RABGAP1L: variants seen among roughly 807,000 people sequenced by gnomAD.
RABGAP1L encodes RAB GTPase activating protein 1 like.
Under a neutral mutation model 137.7 loss-of-function variants are expected in RABGAP1L, and 63 were observed. The observed-to-expected ratio is 0.46, with a 90% CI of 0.37 to 0.56. The LOEUF (loss-of-function observed/expected upper bound fraction) is 0.56. RABGAP1L is among the 20% of genes least tolerant of loss of function. RABGAP1L has a pLI of 0.00. For missense variants in RABGAP1L, 1,095 were observed against 1,244.0 expected (o/e 0.88, Z 1.80); for synonymous variants, 431 against 433.7 (o/e 0.99, Z 0.08).
rs370575523 is a variant in RABGAP1L at position 174,755,077 on chromosome 1, C to T, written c.2211+2723C>T. On this transcript the variant is annotated intron_variant, in intron 18 of 25. Transcript: ENST00000681986. Reference sequence around the variant, plus strand: ...ATTGAGAGATCAAAGCTCAAGATCACCTTAAGACTTTTGTCTCAGTAGTGG... The same window carrying T: ...ATTGAGAGATCAAAGCTCAAGATCATCTTAAGACTTTTGTCTCAGTAGTGG... 4.6e-5 allele frequency among the ~76,000 whole-genome samples: 7 copies of T among 152,232 alleles called. No homozygotes were observed. The East Asian group carries it at 1.2e-3, about 25-fold the overall frequency.
At chr1:174,302,619 AG>A (rs1472187766) in intron 10 of RABGAP1L, among the ~76,000 whole-genome samples, 1 of 152,218 alleles carries the variant, frequency 6.6e-6, no homozygotes, top group Non-Finnish European at 1.5e-5. Flanking sequence ...CCATAAGAAA[AG>A]GATAGGCTTC....
At chr1:174,700,579 A>T (rs984275816) in intron 16 of RABGAP1L, 12 of 154,130 alleles carry the variant, frequency 7.8e-5, no homozygotes, top group African/African-American at 2.9e-4. Flanking sequence ...GCAGTAGAGG[A>T]TGAATTTGCA....
chr1:174,608,398 G>A (rs1286041118), intron 13 of RABGAP1L, among the ~76,000 whole-genome samples: 3 of 152,174 alleles, frequency 2.0e-5, no homozygotes, highest in African/African-American at 4.8e-5. Flanking sequence ...AGTAAGATAT[G>A]TCTTAGCCCA....
intron 11 of RABGAP1L, among the ~76,000 whole-genome samples, chr1:174,360,393 T>C (rs1684029856): frequency 6.6e-6 from 1 of 152,204 alleles, no homozygotes; most frequent in African/African-American, 2.4e-5. Flanking sequence ...TGAAACATAA[T>C]TGCTATTAAT....
At chr1:174,892,274 C>T (rs1322352836) in intron 19 of RABGAP1L, 1 of 322,750 alleles carries the variant, frequency 3.1e-6, no homozygotes, top group African/African-American at 2.2e-5. Flanking sequence ...GGACACAGCA[C>T]ACTTATCAAG....
chr1:174,605,811 G>A (rs950418966), intron 13 of RABGAP1L, among the ~76,000 whole-genome samples: 10 of 152,238 alleles, frequency 6.6e-5, no homozygotes, highest in African/African-American at 2.2e-4. Context: ...TGCCACTGCA[G>A]GCTTCATCTT....
intron 11 of RABGAP1L, among the ~76,000 whole-genome samples, chr1:174,350,558 C>T (rs1458989299): frequency 7.7e-6 from 1 of 130,520 alleles, no homozygotes; most frequent in Non-Finnish European, 1.6e-5. Context: ...GCGCTCCTCA[C>T]TTCCTAGATG....
At chr1:174,944,563 G>T (rs1666435781) in intron 19 of RABGAP1L, among the ~76,000 whole-genome samples, 2 of 150,494 alleles carry the variant, frequency 1.3e-5, no homozygotes, top group Admixed American at 1.3e-4. Context: ...CTTGAGCCTG[G>T]AAAGTCAAGG....
chr1:174,707,758 A>G (rs917080266), intron 17 of RABGAP1L, among the ~76,000 whole-genome samples: 3 of 152,148 alleles, frequency 2.0e-5, no homozygotes, highest in Admixed American at 1.3e-4. Context: ...AATTTCTTCA[A>G]TTATCTAGGT....
At chr1:174,547,491 C>T (rs547649637) in intron 13 of RABGAP1L, among the ~76,000 whole-genome samples, 7 of 152,080 alleles carry the variant, frequency 4.6e-5, no homozygotes, top group Non-Finnish European at 1.0e-4. Context: ...ATAGTGTGTG[C>T]CTGTATGCCC....
At chr1:174,924,085 C>G (rs866146837) in intron 19 of RABGAP1L, among the ~76,000 whole-genome samples, 2 of 151,526 alleles carry the variant, frequency 1.3e-5, no homozygotes, top group Non-Finnish European at 1.5e-5. Flanking sequence ...TAGAAAGCTT[C>G]ATAAGAAAGA....
chr1:174,528,612 G>T (rs150647483), intron 13 of RABGAP1L, among the ~76,000 whole-genome samples: 1 of 149,056 alleles, frequency 6.7e-6, no homozygotes, highest in Non-Finnish European at 1.5e-5. Context: ...TATAGGTGCC[G>T]AAACACTTTT....
At position 174,193,138 on chromosome 1, in the gene RABGAP1L, T is replaced by C. The variant is rs115305459; in HGVS notation, c.-33-25987T>C. Among the ~76,000 whole-genome samples, 1,440 of 152,306 alleles carry C rather than the reference T, an allele frequency of 9.5e-3. 22 individuals carry two copies. The highest frequency in any genetic ancestry group is 0.033 in the African/African-American group (1,382 of 41,556). On this transcript the variant is annotated intron_variant, in intron 1 of 25. Transcript: ENST00000681986. ...ATAGTAGTAATAAAAGGATAACTGT[T>C]ATCCTTAACAGTTATTCTTAACAAA...
intron 13 of RABGAP1L, among the ~76,000 whole-genome samples, chr1:174,463,085 A>C (rs919042475): frequency 1.3e-5 from 2 of 152,178 alleles, no homozygotes; most frequent in South Asian, 2.1e-4. Context: ...TAGTTCAACC[A>C]TTGTGGAAGT....
In RABGAP1L at chr1:174,448,669, T is replaced by G. The variant is rs1485484746; in HGVS notation, c.1710+54524T>G. On this transcript the variant is annotated intron_variant, in intron 13 of 25. Transcript: ENST00000681986. The surrounding 1 kb of genome is among the most constrained non-coding windows in gnomAD (Gnocchi z 4.2). ...TTGGCTGGGGGAAACCTGGTTACCA[T>G]GGTGACATTTTTGAATGGTGTGCCA... The G allele has an allele frequency of 1.2e-6, 2 of 1,613,778 alleles. No homozygotes were observed. Among genetic ancestry groups the G allele is most frequent in the Non-Finnish European group, 1.7e-6 (2 of 1,179,806 alleles).
intron 12 of RABGAP1L, among the ~76,000 whole-genome samples, chr1:174,377,478 G>T (rs896519728): frequency 1.3e-5 from 2 of 152,256 alleles, no homozygotes; most frequent in South Asian, 2.1e-4. Context: ...AGTCAAAAGA[G>T]TATTGATACA....
intron 18 of RABGAP1L, among the ~76,000 whole-genome samples, chr1:174,774,434 T>G (rs1445003204): frequency 6.6e-6 from 1 of 150,960 alleles, no homozygotes; most frequent in African/African-American, 2.4e-5. Context: ...CTACAAAAAA[T>G]AAAAATAAAA....
At chr1:174,450,799 CTGAG>C (rs1230792090) in intron 13 of RABGAP1L, among the ~76,000 whole-genome samples, 2 of 152,144 alleles carry the variant, frequency 1.3e-5, no homozygotes, top group African/African-American at 2.4e-5. Context: ...TATCAAACTA[CTGAG>C]TATTTTTCTT....
chr1:174,946,929 T>A lies in RABGAP1L; in HGVS notation c.2341-10528T>A, dbSNP rs1393229333. Among the ~76,000 whole-genome samples, 21 of 74,526 alleles carry A rather than the reference T, an allele frequency of 2.8e-4. 1 individual carries two copies. The highest frequency in any genetic ancestry group is 9.8e-4 in the East Asian group (2 of 2,032). The allele number at this position is 74,526 out of a possible 152,430, so 48.9% of individuals were successfully genotyped here. On this transcript the variant is annotated intron_variant, in intron 19 of 25. Transcript: ENST00000681986. ...AAAAAAAAAAAAAAATATATATATA[T>A]ATATATATATATGTGTGTGTGTGTG...
Sources: allele counts gnomAD v4.1 joint callset (sites outside exome capture counted in the v4.1 genomes callset), GRCh38; gene constraint gnomAD v4.1.1; non-coding constraint Gnocchi (gnomAD v3.1); transcripts MANE v1.5; gene names NCBI Gene and HGNC (gene_info 2026-07-23, HGNC 2026-07-21).